The following PTPRM variants were observed in gnomAD, a reference collection of about 807,000 sequenced individuals.
PTPRM encodes the protein protein tyrosine phosphatase receptor type M, also known as receptor-type tyrosine-protein phosphatase mu.
Under a neutral mutation model 186.7 loss-of-function variants are expected in PTPRM, and 47 were observed. The observed-to-expected ratio is 0.25, with a 90% CI of 0.20 to 0.32. PTPRM has a LOEUF of 0.32. Among genes scored for constraint, PTPRM ranks in the 10% least tolerant of loss-of-function variants. The probability of loss-of-function intolerance (pLI) is 1.00; values close to 1 mark genes in which losing one functional copy is unlikely to be tolerated. For missense variants in PTPRM, 1,494 were observed against 1,865.0 expected (o/e 0.80, Z 3.66); for synonymous variants, 668 against 674.9 (o/e 0.99, Z 0.16).
chr18:7,930,598 G>A (rs749760882), intron 5 of PTPRM, among the ~76,000 whole-genome samples: 44 of 152,080 alleles, frequency 2.9e-4, no homozygotes, highest in Non-Finnish European at 5.4e-4. Context: ...CTACTATACC[G>A]TCTTGTTGAA....
In PTPRM at chr18:7,817,779, C is replaced by G. The variant is rs187960163; in HGVS notation, c.196+43508C>G. Among the ~76,000 whole-genome samples, 15 of 152,278 alleles carry G rather than the reference C, an allele frequency of 9.9e-5. No individual in the cohort carries two copies. The East Asian group carries it at 2.5e-3, about 25-fold the overall frequency. ...AGTTGCGTTTGCACCATGTGATTCT[C>G]AGAAGTCTTGGGATGTGCAGATCCA... On this transcript the variant is annotated intron_variant, in intron 2 of 32. Coordinates refer to ENST00000580170, the MANE Select transcript of PTPRM (RefSeq NM_001105244.2).
At chr18:7,754,724 G>A (rs1274425255) in intron 1 of PTPRM, 1 of 152,288 alleles carries the variant, frequency 6.6e-6, no homozygotes, top group African/African-American at 2.4e-5. Context: ...GGACAGTGAT[G>A]TTTGGGGGGA....
chr18:8,371,411 G>A (rs1232652845), intron 24 of PTPRM, among the ~76,000 whole-genome samples: 3 of 152,128 alleles, frequency 2.0e-5, no homozygotes. Context: ...TAGTATCAGT[G>A]TTGAGACACA....
intron 7 of PTPRM, among the ~76,000 whole-genome samples, chr18:7,996,893 CA>C (rs2083570781): frequency 6.7e-6 from 1 of 150,122 alleles, no homozygotes; most frequent in Admixed American, 6.6e-5. Context: ...TTGAAAACAC[CA>C]AAAATGAAAA....
At chr18:8,202,833 C>T (rs148536210) in intron 14 of PTPRM, among the ~76,000 whole-genome samples, 107 of 152,140 alleles carry the variant, frequency 7.0e-4, no homozygotes, top group Admixed American at 1.8e-3. Context: ...ATAATTGGGC[C>T]GGTAGACGTT....
At chr18:7,571,050 T>C (rs1206431840) in intron 1 of PTPRM, among the ~76,000 whole-genome samples, 2 of 151,840 alleles carry the variant, frequency 1.3e-5, no homozygotes, top group Non-Finnish European at 2.9e-5. Flanking sequence ...GCGATTCTCC[T>C]GCCTCAGCCT....
intron 11 of PTPRM, among the ~76,000 whole-genome samples, chr18:8,104,326 A>T (rs1445875553): frequency 6.6e-6 from 1 of 152,120 alleles, no homozygotes; most frequent in Admixed American, 6.6e-5. Flanking sequence ...TATTATGATC[A>T]TTGGAATCTC....
chr18:7,602,104 G>A (rs1042276150), intron 1 of PTPRM, among the ~76,000 whole-genome samples: 2 of 152,142 alleles, frequency 1.3e-5, no homozygotes, highest in South Asian at 2.1e-4. Context: ...TTAGCAAGTC[G>A]GTGACAGAAT....
chr18:7,894,380 A>T (rs1426840956), intron 3 of PTPRM, among the ~76,000 whole-genome samples: 2 of 151,962 alleles, frequency 1.3e-5, no homozygotes, highest in African/African-American at 4.8e-5. Flanking sequence ...AGGTCAGGAG[A>T]TCGAGACCAG....
At chr18:7,701,389 A>C (rs1427092083) in intron 1 of PTPRM, among the ~76,000 whole-genome samples, 1 of 151,590 alleles carries the variant, frequency 6.6e-6, no homozygotes, top group African/African-American at 2.4e-5. Flanking sequence ...TCACAAAGTC[A>C]AGAGTTTGAG....
chr18:8,170,243 G>T (rs147101426), intron 14 of PTPRM, among the ~76,000 whole-genome samples: 1 of 152,114 alleles, frequency 6.6e-6, no homozygotes, highest in African/African-American at 2.4e-5. Context: ...GTACAGCTAG[G>T]TGGGCTCTTT....
intron 11 of PTPRM, among the ~76,000 whole-genome samples, chr18:8,100,619 G>A (rs906890751): frequency 1.3e-5 from 2 of 152,190 alleles, no homozygotes; most frequent in Non-Finnish European, 2.9e-5. Context: ...GATTTGGGCA[G>A]GGACAAATAT....
At chr18:8,286,141 C>T (rs527431020) in intron 19 of PTPRM, among the ~76,000 whole-genome samples, 2 of 152,196 alleles carry the variant, frequency 1.3e-5, no homozygotes, top group Admixed American at 6.5e-5. Flanking sequence ...GGAAAGACCT[C>T]GTGAGTTGCT....
At chr18:7,952,432 C>CT (rs1170122279) in intron 6 of PTPRM, among the ~76,000 whole-genome samples, 1 of 152,234 alleles carries the variant, frequency 6.6e-6, no homozygotes, top group Non-Finnish European at 1.5e-5. Context: ...GGCACAGTGG[C>CT]TCATGCCTGT....
intron 1 of PTPRM, among the ~76,000 whole-genome samples, chr18:7,656,482 G>A (rs2144335113): frequency 1.3e-5 from 2 of 152,194 alleles, no homozygotes; most frequent in South Asian, 4.2e-4. Context: ...CTGTTTTGCG[G>A]GGATGAAAAG....
Position 7,763,671 on chromosome 18 carries a change from T to G in PTPRM, c.74-10478T>G, listed in dbSNP as rs531541824. On this transcript the variant is annotated intron_variant, in intron 1 of 32. Coordinates refer to ENST00000580170, the MANE Select transcript of PTPRM (RefSeq NM_001105244.2). The stretch of plus-strand genomic sequence containing the variant: ...TGTGAAACTATATTTACTTTTTCCT[T>G]ATAATTTGATTCTACCCAATGAATA... Among the ~76,000 whole-genome samples the G allele has an allele frequency of 2.2e-4, 33 of 152,324 alleles. 1 individual carries two copies. Among genetic ancestry groups the G allele is most frequent in the Admixed American group, 1.6e-3 (24 of 15,304 alleles).
intron 22 of PTPRM, among the ~76,000 whole-genome samples, chr18:8,324,216 A>C (rs1815480941): frequency 6.6e-6 from 1 of 152,202 alleles, no homozygotes; most frequent in Admixed American, 6.5e-5. Context: ...TACTAACTTT[A>C]ACAAACTATT....
At chr18:8,042,899 C>T (rs2086782038) in intron 7 of PTPRM, among the ~76,000 whole-genome samples, 1 of 152,182 alleles carries the variant, frequency 6.6e-6, no homozygotes, top group African/African-American at 2.4e-5. Flanking sequence ...GTACTCATCG[C>T]CAAGACAGTT....
chr18:7,939,505 A>T (rs184647628), intron 5 of PTPRM, among the ~76,000 whole-genome samples: 105 of 152,328 alleles, frequency 6.9e-4, no homozygotes, highest in Middle Eastern at 6.8e-3. Context: ...AGTCTAATTT[A>T]AATAACTATC....
Sources: allele counts gnomAD v4.1 joint callset (sites outside exome capture counted in the v4.1 genomes callset), GRCh38; gene constraint gnomAD v4.1.1; transcripts MANE v1.5; gene names NCBI Gene and HGNC (gene_info 2026-07-23, HGNC 2026-07-21).